The following ABL2 variants were observed in gnomAD, a reference collection of about 807,000 sequenced individuals.
The protein encoded by ABL2 is ABL proto-oncogene 2, non-receptor tyrosine kinase.
Under a neutral mutation model 107.7 loss-of-function variants are expected in ABL2, and 49 were observed. The ratio of observed to expected loss-of-function variants is 0.45; its 90% CI spans 0.36 to 0.58. The LOEUF (loss-of-function observed/expected upper bound fraction) is 0.58, where lower values mean the gene tolerates loss of function less well. Among genes scored for constraint, ABL2 ranks in the 20% least tolerant of loss-of-function variants. The pLI is 0.00. For missense variants in ABL2, 1,245 were observed against 1,457.0 expected (o/e 0.85, Z 2.37); for synonymous variants, 549 against 548.6 (o/e 1.00, Z -0.01).
At position 179,177,517 on chromosome 1, in the gene ABL2, A is replaced by G. The variant is rs540026283; in HGVS notation, c.158-44143T>C. Among the ~76,000 whole-genome samples, 27 of 152,352 alleles carry G rather than the reference A, an allele frequency of 1.8e-4. 1 individual carries two copies. Among genetic ancestry groups the G allele is most frequent in the Admixed American group, 1.0e-3 (16 of 15,304 alleles). ...CTACTGTTTCCTTCCTTATCCAACA[A>G]AACTTCAAGAAACAGTAGATTAAGG... On this transcript the variant is annotated intron_variant, in intron 1 of 11. Coordinates refer to ENST00000502732, the MANE Select transcript of ABL2 (RefSeq NM_007314.4).
chr1:179,210,512 A>AAAG (rs1233827973), intron 1 of ABL2, among the ~76,000 whole-genome samples: 1 of 150,704 alleles, frequency 6.6e-6, no homozygotes, highest in Non-Finnish European at 1.5e-5. Context: ...ACAAAAAAAA[A>AAAG]AAAAAAGAAA....
chr1:179,229,258 T>A lies in ABL2; in HGVS notation c.140A>T (p.Asn47Ile). The A allele has an allele frequency of 6.5e-7, 1 of 1,534,116 alleles. No individual in the cohort carries two copies. The highest frequency in any genetic ancestry group is 8.8e-7 in the Non-Finnish European group (1 of 1,140,630). The change falls in exon 1 of 12, where the codon AAT (asparagine) becomes ATT (isoleucine). Residue 47 changes from asparagine to isoleucine, a missense_variant. Around this residue, in one of 3 missense-constraint regions of ABL2, gnomAD observed 164 missense variants for 143.7 expected, o/e 1.14. Coordinates refer to ENST00000502732, the MANE Select transcript of ABL2 (RefSeq NM_007314.4). ...PAGRTTETGF[N>I]IFTQHDHFAS... ...ACACTCACCATGCTGGGTGAAGATA[T>A]TGAAGCCGGTCTCTGTGGTGCGCCC...
chr1:179,185,550 C>T (rs2102808699), intron 1 of ABL2, among the ~76,000 whole-genome samples: 1 of 152,158 alleles, frequency 6.6e-6, no homozygotes, highest in Non-Finnish European at 1.5e-5. Context: ...TATAATAAAA[C>T]TAAATGTGTC....
rs1237569546 is a variant in ABL2, at chr1:179,106,061, T to C, written c.*1657A>G. On this transcript the variant is annotated 3_prime_UTR_variant, in exon 12 of 12. Transcript: ENST00000502732. ...ATGACAGAGCCAGAAGAAAACTCAG[T>C]GCTCAATGTTGAATTCCTATCTTCC... The C allele has an allele frequency of 9.2e-6, 2 of 216,758 alleles. No homozygotes were observed. Among genetic ancestry groups the C allele is most frequent in the Non-Finnish European group, 1.9e-5 (2 of 107,672 alleles). 13.4% of individuals were successfully genotyped at this position (216,758 alleles called of 1,614,324 possible). A position where few individuals can be genotyped will look rare whatever the true frequency, so the allele number is the denominator to read the frequency against.
chr1:179,131,616 A>G, intron 2 of ABL2, 135 bp from the exon 3 acceptor site: 4 of 802,246 alleles, frequency 5.0e-6, no homozygotes, highest in East Asian at 2.6e-5. Flanking sequence ...AGTGTTATGA[A>G]GAATTAGCAA....
chr1:179,218,335 G>A (rs1662691081), intron 1 of ABL2, among the ~76,000 whole-genome samples: 2 of 152,282 alleles, frequency 1.3e-5, no homozygotes, highest in African/African-American at 4.8e-5. Context: ...AACCAGTTTT[G>A]AAGAGAGTTA....
At chr1:179,198,724 A>C in intron 1 of ABL2, among the ~76,000 whole-genome samples, 1 of 147,750 alleles carries the variant, frequency 6.8e-6, no homozygotes. Context: ...AAACAAAGCC[A>C]CATATACCAG....
At chr1:179,188,186 CTT>C (rs2102814429) in intron 1 of ABL2, among the ~76,000 whole-genome samples, 2 of 152,252 alleles carry the variant, frequency 1.3e-5, no homozygotes, top group Non-Finnish European at 2.9e-5. Flanking sequence ...AAGTTTGACT[CTT>C]TCAGTAATTC....
chr1:179,219,900 A>C (rs966009981), intron 1 of ABL2, among the ~76,000 whole-genome samples: 1 of 152,262 alleles, frequency 6.6e-6, no homozygotes, highest in East Asian at 1.9e-4. Context: ...TATAATCTTC[A>C]CAATCATCTT....
chr1:179,170,655 C>A (rs1412943510), intron 1 of ABL2, among the ~76,000 whole-genome samples: 1 of 152,148 alleles, frequency 6.6e-6, no homozygotes, highest in East Asian at 1.9e-4. Flanking sequence ...AGTGCAGTGG[C>A]ACGATCTCAG....
intron 1 of ABL2, among the ~76,000 whole-genome samples, chr1:179,199,703 T>C (rs963070338): frequency 6.6e-5 from 10 of 150,812 alleles, no homozygotes; most frequent in Non-Finnish European, 1.3e-4. Context: ...CATAGATCTA[T>C]CTAGTTCCAA....
chr1:179,227,258 T>C (rs1663267834), intron 1 of ABL2, among the ~76,000 whole-genome samples: 1 of 152,204 alleles, frequency 6.6e-6, no homozygotes, highest in Non-Finnish European at 1.5e-5. Context: ...AACCCAAAGA[T>C]GGTGACTAAA....
At chr1:179,125,428 C>G (rs1655641269) in intron 4 of ABL2, among the ~76,000 whole-genome samples, 1 of 152,124 alleles carries the variant, frequency 6.6e-6, no homozygotes, top group Non-Finnish European at 1.5e-5. Context: ...TATGAACATT[C>G]CTATACATGT....
intron 1 of ABL2, among the ~76,000 whole-genome samples, chr1:179,209,219 TACTCAGAGGAAAGGAA>T (rs1443063564): frequency 1.3e-5 from 2 of 152,182 alleles, no homozygotes. Flanking sequence ...ACCCTCCCTT[TACTCAGAGGAAAGGAA>T]TGTCCTTATC....
At chr1:179,149,758 A>G (rs775639443) in intron 1 of ABL2, among the ~76,000 whole-genome samples, 1 of 152,250 alleles carries the variant, frequency 6.6e-6, no homozygotes, top group South Asian at 2.1e-4. Context: ...GAATATTTTA[A>G]GCCCACTGTT....
chr1:179,114,890 G>C lies in ABL2; in HGVS notation c.1549C>G (p.Leu517Val). 1 of 1,603,598 alleles carries C rather than the reference G, an allele frequency of 6.2e-7. No homozygotes were observed. The highest frequency in any genetic ancestry group is 8.5e-7 in the Non-Finnish European group (1 of 1,176,348). ...PEGCPPKVYELMRACWKWSPA... is the reference protein window; with the variant it reads ...PEGCPPKVYEVMRACWKWSPA... ...CAAAAATACTCACATGCTCTCATAA[G>C]TTCATAAACCTTAGGGGGGCATCCC... The change falls in exon 9 of 12, where the codon CTT (leucine) becomes GTT (valine). Residue 517 changes from leucine to valine, a missense_variant. Transcript: ENST00000502732.
intron 3 of ABL2, among the ~76,000 whole-genome samples, chr1:179,129,105 G>A (rs1656024665): frequency 6.6e-6 from 1 of 151,960 alleles, no homozygotes; most frequent in African/African-American, 2.4e-5. Flanking sequence ...GCTTTAGTAT[G>A]ACATCATTTT....
At chr1:179,224,750 T>A (rs1663096989) in intron 1 of ABL2, among the ~76,000 whole-genome samples, 1 of 148,898 alleles carries the variant, frequency 6.7e-6, no homozygotes, top group Admixed American at 6.7e-5. Flanking sequence ...TCGCAGTGGC[T>A]CACGCCTATA....
intron 1 of ABL2, among the ~76,000 whole-genome samples, chr1:179,139,228 G>A (rs1434300219): frequency 6.6e-6 from 1 of 152,050 alleles, no homozygotes; most frequent in Admixed American, 6.5e-5. Context: ...AACACTCACC[G>A]CAAAGATCTG....
Sources: gnomAD v4.1 joint callset for allele counts (sites outside exome capture counted in the v4.1 genomes callset) on GRCh38, gnomAD v4.1.1 for gene constraint, gnomAD v4.1.1 regional missense constraint, MANE v1.5 for transcripts, NCBI Gene and HGNC (gene_info 2026-07-23, HGNC 2026-07-21) for gene names.